The following WDPCP variants were observed in gnomAD, a reference collection of about 807,000 sequenced individuals.
WDPCP encodes the protein WD repeat-containing and planar cell polarity effector protein fritz homolog.
In WDPCP, 71 loss-of-function variants were observed where a neutral mutation model predicts 93.1. The observed-to-expected ratio is 0.76, with a 90% CI of 0.63 to 0.93. The LOEUF is 0.93. WDPCP is among the 40% of genes least tolerant of loss of function. The pLI is 0.00. For synonymous variants in WDPCP, 315 were observed against 315.0 expected (o/e 1.00, Z 0.00); for missense variants, 844 against 887.4 (o/e 0.95, Z 0.62).
intron 15 of WDPCP, among the ~76,000 whole-genome samples, chr2:63,169,606 T>C (rs1673232961): frequency 6.6e-6 from 1 of 152,184 alleles, no homozygotes; most frequent in African/African-American, 2.4e-5. Context: ...AGTACATGAA[T>C]ATATTTTGCA....
intron 13 of WDPCP, among the ~76,000 whole-genome samples, chr2:63,275,648 C>CA (rs1305071278): frequency 2.0e-5 from 3 of 151,792 alleles, no homozygotes; most frequent in African/African-American, 2.4e-5. Flanking sequence ...GCAATGGCCA[C>CA]AAAAAAATAC....
At chr2:63,424,616 C>T (rs537578859) in intron 9 of WDPCP, among the ~76,000 whole-genome samples, 104 of 152,326 alleles carry the variant, frequency 6.8e-4, no homozygotes, top group Non-Finnish European at 1.1e-3. Context: ...GTCCCAATCC[C>T]CCAGGGTTAC....
At chr2:63,152,888 A>C (rs1389152974) in intron 17 of WDPCP, 26 bp downstream of exon 17, 2 of 1,600,332 alleles carry the variant, frequency 1.2e-6, no homozygotes, top group Non-Finnish European at 1.7e-6. Flanking sequence ...TTAAATGTCT[A>C]GTAATAAACA....
intron 13 of WDPCP, among the ~76,000 whole-genome samples, chr2:63,290,124 C>G (rs886182942): frequency 1.3e-5 from 2 of 151,434 alleles, no homozygotes; most frequent in African/African-American, 4.8e-5. Flanking sequence ...TTAAGTGTAA[C>G]ATCTTATTAT....
At chr2:63,574,038 A>G (rs1319258286) in intron 1 of WDPCP, among the ~76,000 whole-genome samples, 2 of 152,298 alleles carry the variant, frequency 1.3e-5, no homozygotes, top group South Asian at 2.1e-4. Flanking sequence ...GATGTTATCA[A>G]TGACAATGTG....
chr2:63,322,995 C>T (rs527313606), intron 12 of WDPCP, among the ~76,000 whole-genome samples: 34 of 152,238 alleles, frequency 2.2e-4, no homozygotes, highest in Non-Finnish European at 3.8e-4. Flanking sequence ...CAATCCCTGA[C>T]TCTTCAGAGT....
At chr2:63,216,353 T>A (rs772173848) in intron 14 of WDPCP, among the ~76,000 whole-genome samples, 10 of 152,170 alleles carry the variant, frequency 6.6e-5, no homozygotes, top group Non-Finnish European at 1.5e-4. Flanking sequence ...GTGGCACATA[T>A]ACACCATAGA....
intron 2 of WDPCP, among the ~76,000 whole-genome samples, chr2:63,777,445 T>A (rs553343265): frequency 2.6e-5 from 4 of 152,278 alleles, no homozygotes; most frequent in Admixed American, 2.6e-4. Flanking sequence ...ATTGAAAGCA[T>A]ACATCCAAAG....
chr2:63,837,041 T>C, the WDPCP span, among the ~76,000 whole-genome samples: 1 of 152,234 alleles, frequency 6.6e-6, no homozygotes, highest in Admixed American at 6.5e-5. Context: ...AAAAGTTATA[T>C]AACTCTCAAA....
chr2:63,338,720 T>G (rs142097095), intron 12 of WDPCP, among the ~76,000 whole-genome samples: 1 of 150,986 alleles, frequency 6.6e-6, no homozygotes, highest in Non-Finnish European at 1.5e-5. Context: ...GGTTCTCTAT[T>G]CTGTTCCATT....
chr2:63,309,088 A>G (rs10200728), intron 13 of WDPCP, among the ~76,000 whole-genome samples: 14 of 152,158 alleles, frequency 9.2e-5, no homozygotes, highest in African/African-American at 3.1e-4. Flanking sequence ...AGATGGAAAT[A>G]ACAGACACTG....
Position 63,458,228 on chromosome 2 carries a change from G to GA in WDPCP, c.385-18358dup, listed in dbSNP as rs59260856. 3.0e-3 allele frequency among the ~76,000 whole-genome samples: 405 copies of GA among 136,830 alleles called. 2 individuals are homozygous for GA. Among genetic ancestry groups the GA allele is most frequent in the Middle Eastern group, 0.011 (3 of 268 alleles). The allele number at this position is 136,830 out of a possible 152,430, so 89.8% of individuals were successfully genotyped here. ...AGTCCTAGACAGAGCAGTCAGGCAA[G>GA]AAAAAAAAAAAAAAAATCAAAGGCA... On this transcript the variant is annotated intron_variant, in intron 6 of 17. Transcript: ENST00000272321.
chr2:63,691,452 C>G (rs761964953), intron 2 of WDPCP, among the ~76,000 whole-genome samples: 8 of 151,992 alleles, frequency 5.3e-5, no homozygotes, highest in Non-Finnish European at 1.0e-4. Flanking sequence ...CTGGCCAACA[C>G]GTTGAAACCC....
chr2:63,639,235 C>CA (rs1413587678), intron 3 of WDPCP, among the ~76,000 whole-genome samples: 2 of 151,748 alleles, frequency 1.3e-5, no homozygotes, highest in African/African-American at 2.4e-5. Flanking sequence ...GACTCCATCT[C>CA]AAAAAAAAGA....
chr2:63,614,403 G>T (rs1709650581), intron 3 of WDPCP, among the ~76,000 whole-genome samples: 1 of 152,266 alleles, frequency 6.6e-6, no homozygotes, highest in Middle Eastern at 3.4e-3. Flanking sequence ...TACCCACTTA[G>T]TCTTACTCCT....
rs1285097923 is a variant in WDPCP, at chr2:63,670,224, AG to A, written n.309-19387del. 1.3e-5 allele frequency among the ~76,000 whole-genome samples: 2 copies of A among 152,172 alleles called. 1 individual carries two copies. Among genetic ancestry groups the A allele is most frequent in the African/African-American group, 4.8e-5 (2 of 41,432 alleles). ...TCTTGACTTCCAGAGAGCTCTTTCA[AG>A]GTGCCAGGCTTTTATATCACCAGGT... On this transcript the variant is annotated intron_variant and non_coding_transcript_variant, in intron 2 of 4. Coordinates refer to the WDPCP transcript ENST00000467687.
intron 1 of WDPCP, among the ~76,000 whole-genome samples, chr2:63,545,792 G>A (rs1394701153): frequency 6.6e-6 from 1 of 151,236 alleles, no homozygotes; most frequent in African/African-American, 2.4e-5. Context: ...GGCAAAAAAC[G>A]GTGCAATGGT....
At chr2:63,143,443 T>G (rs1399590353) in intron 17 of WDPCP, among the ~76,000 whole-genome samples, 2 of 152,184 alleles carry the variant, frequency 1.3e-5, no homozygotes, top group East Asian at 3.8e-4. Flanking sequence ...AAATATGAGG[T>G]ACCGTTGCAT....
Position 63,166,755 on chromosome 2 carries a change from G to A in WDPCP, c.2078+7915C>T, listed in dbSNP as rs576902245. On this transcript the variant is annotated intron_variant, in intron 15 of 17. Coordinates refer to ENST00000272321, the MANE Select transcript of WDPCP (RefSeq NM_015910.7). Reference sequence around the variant, plus strand: ...ATAAGCACATCAGGGTAAATGAGGTGTCCATCACCTAAAGCATTTATCATT... The same window carrying A: ...ATAAGCACATCAGGGTAAATGAGGTATCCATCACCTAAAGCATTTATCATT... Among the ~76,000 whole-genome samples the A allele has an allele frequency of 2.0e-5, 3 of 152,232 alleles. No homozygotes were observed. In the South Asian group the frequency reaches 6.2e-4, roughly 32 times the overall value.
Sources: allele counts gnomAD v4.1 joint callset (sites outside exome capture counted in the v4.1 genomes callset), GRCh38; gene constraint gnomAD v4.1.1; transcripts MANE v1.5; gene names NCBI Gene and HGNC (gene_info 2026-07-23, HGNC 2026-07-21).